Variants in TNRC18 observed in about 807,000 individuals in gnomAD.
The protein encoded by TNRC18 is trinucleotide repeat containing 18.
In TNRC18, 69 loss-of-function variants were observed where a neutral mutation model predicts 226.7. That is an observed-to-expected ratio of 0.30 (90% confidence interval 0.25 to 0.37). The LOEUF is 0.37. Among genes scored for constraint, TNRC18 ranks in the 10% least tolerant of loss-of-function variants. The pLI is 1.00. For missense variants in TNRC18, 4,754 were observed against 4,256.6 expected, an observed-to-expected ratio of 1.12 and a Z score of -3.25; for synonymous variants, 2,449 against 1,927.6, an observed-to-expected ratio of 1.27 and a Z score of -7.09.
Position 5,387,781 on chromosome 7 carries a change from A to C in TNRC18, c.2043T>G (p.Pro681=), listed in dbSNP as rs769094174. 6.2e-7 allele frequency: 1 copy of C among 1,607,956 alleles called. No individual in the cohort carries two copies. The highest frequency in any genetic ancestry group is 1.7e-5 in the Admixed American group (1 of 60,008). ...GGGCCACAGCCACTGCAATGCCCAC[A>C]GGCGGGTGTCGCACTTCTGCCTCAC... The part of the protein sequence containing the change: ...AQGEAEVRHP[P]VGIAVAVARQ... The change falls in exon 5 of 30, where the codon CCT becomes CCG. Residue 681 remains proline, a synonymous_variant. Coordinates refer to ENST00000430969, the MANE Select transcript of TNRC18 (RefSeq NM_001080495.3).
At chr7:5,372,773 A>T (rs1794286409) in intron 10 of TNRC18, among the ~76,000 whole-genome samples, 2 of 152,142 alleles carry the variant, frequency 1.3e-5, no homozygotes, top group Admixed American at 1.3e-4. Context: ...CTACAATCCC[A>T]GCAGTTCGGG....
At chr7:5,420,988 G>A in intron 2 of TNRC18, 72 bp downstream of exon 2, 1 of 1,530,252 alleles carries the variant, frequency 6.5e-7, no homozygotes, top group Non-Finnish European at 8.9e-7. Context: ...GGCCGCGAGT[G>A]CACAGGAGGA....
intron 11 of TNRC18, among the ~76,000 whole-genome samples, chr7:5,365,441 G>C (rs1000831555): frequency 2.0e-5 from 3 of 151,406 alleles, no homozygotes; most frequent in Non-Finnish European, 4.4e-5. Context: ...GGAGCACATG[G>C]GCACATAGCT....
Position 5,309,904 on chromosome 7 carries a change from T to A in TNRC18, c.8389-536A>T. On this transcript the variant is annotated intron_variant, in intron 27 of 29. Transcript: ENST00000430969. The surrounding 1 kb of genome is among the most constrained non-coding windows in gnomAD (Gnocchi z 5.7). Reference sequence around the variant, plus strand: ...GTGTCAGCCACTGCACCTGGCCTTATTTTTCTTTTGAAAATTACTTTTTTC... The same window carrying A: ...GTGTCAGCCACTGCACCTGGCCTTAATTTTCTTTTGAAAATTACTTTTTTC... Among the ~76,000 whole-genome samples, 1 of 152,166 alleles carries A rather than the reference T, an allele frequency of 6.6e-6. No individual in the cohort carries two copies. The highest frequency in any genetic ancestry group is 1.5e-5 in the Non-Finnish European group (1 of 68,024).
At chr7:5,414,340 TTTC>T (rs1782026609) in intron 2 of TNRC18, among the ~76,000 whole-genome samples, 1 of 151,024 alleles carries the variant, frequency 6.6e-6, no homozygotes, top group Non-Finnish European at 1.5e-5. Flanking sequence ...ATAGATATTT[TTTC>T]TTTTCCTGAA....
At chr7:5,379,885 C>G (rs945103598) in intron 5 of TNRC18, among the ~76,000 whole-genome samples, 1 of 152,198 alleles carries the variant, frequency 6.6e-6, no homozygotes, top group East Asian at 1.9e-4. Context: ...GGAGCTAGGT[C>G]CTCCTACGCA....
chr7:5,343,698 A>C (rs1166879945), intron 18 of TNRC18, among the ~76,000 whole-genome samples: 1 of 152,194 alleles, frequency 6.6e-6, no homozygotes, highest in Non-Finnish European at 1.5e-5. Flanking sequence ...AAGTGCCGGG[A>C]TTGTAGGTGT....
intron 10 of TNRC18, among the ~76,000 whole-genome samples, chr7:5,372,856 T>A (rs1794295357): frequency 6.6e-6 from 1 of 151,910 alleles, no homozygotes; most frequent in South Asian, 2.1e-4. Context: ...GACACATCTG[T>A]ACAAATATAA....
intron 11 of TNRC18, among the ~76,000 whole-genome samples, chr7:5,363,843 C>A (rs1793336429): frequency 1.6e-5 from 2 of 125,040 alleles, no homozygotes; most frequent in Non-Finnish European, 3.4e-5. Flanking sequence ...AAAACACAAA[C>A]CAAGCAGAAA....
rs1051592179 is a variant in TNRC18 at position 5,394,165 on chromosome 7, C to G, written c.343+275G>C. Among the ~76,000 whole-genome samples the G allele has an allele frequency of 6.6e-6, 1 of 152,016 alleles. No homozygotes were observed. Among genetic ancestry groups the G allele is most frequent in the Non-Finnish European group, 1.5e-5 (1 of 68,006 alleles). On this transcript the variant is annotated intron_variant, in intron 3 of 29. Coordinates refer to ENST00000430969, the MANE Select transcript of TNRC18 (RefSeq NM_001080495.3). This position sits in a 1 kb window ranked among gnomAD's most constrained non-coding sequence, Gnocchi z 4.5. ...CACAAGCAAGTGATGGAAGTGGGTG[C>G]GGAAGAGGGGGTCTCTGAGCTGAGC...
rs528787016 is a variant in TNRC18 at position 5,350,290 on chromosome 7, C to G, written c.5470+1529G>C. On this transcript the variant is annotated intron_variant, in intron 17 of 29. Coordinates refer to ENST00000430969, the MANE Select transcript of TNRC18 (RefSeq NM_001080495.3). Reference sequence around the variant, plus strand: ...TTCGCTCAGAGGGGTAGTAGCAGCCCAGGGGAACATGGGCCCCGGGGCATC... The same window carrying G: ...TTCGCTCAGAGGGGTAGTAGCAGCCGAGGGGAACATGGGCCCCGGGGCATC... Among the ~76,000 whole-genome samples the G allele has an allele frequency of 1.2e-4, 19 of 152,172 alleles. No individual in the cohort carries two copies. In the South Asian group the frequency reaches 3.3e-3, roughly 27 times the overall value.
At chr7:5,413,550 G>A (rs543702921) in intron 2 of TNRC18, among the ~76,000 whole-genome samples, 66 of 152,314 alleles carry the variant, frequency 4.3e-4, no homozygotes, top group African/African-American at 1.6e-3. Flanking sequence ...TTTTGACACA[G>A]GGTCTCACTC....
chr7:5,413,574 ACT>A (rs1781976780), intron 2 of TNRC18, among the ~76,000 whole-genome samples: 1 of 152,192 alleles, frequency 6.6e-6, no homozygotes, highest in South Asian at 2.1e-4. Context: ...TGCCCAGACC[ACT>A]GTGAGTGCAG....
chr7:5,391,464 A>T lies in TNRC18; in HGVS notation c.344-836T>A, dbSNP rs1222538490. On this transcript the variant is annotated intron_variant, in intron 3 of 29. Transcript: ENST00000430969. ...GGAGCTGGGATTACAGGCGCCTGCT[A>T]CCACACCCGGCTAATTTTGTATTTT... Among the ~76,000 whole-genome samples, 4 of 151,816 alleles carry T rather than the reference A, an allele frequency of 2.6e-5. No homozygotes were observed. The South Asian group carries it at 8.3e-4, about 32-fold the overall frequency.
At chr7:5,334,515 T>C (rs561854638) in intron 18 of TNRC18, among the ~76,000 whole-genome samples, 16 of 151,256 alleles carry the variant, frequency 1.1e-4, no homozygotes, top group African/African-American at 3.4e-4. Flanking sequence ...GGCAGGCTGG[T>C]CTCGAACTCC....
intron 2 of TNRC18, among the ~76,000 whole-genome samples, chr7:5,410,058 C>A (rs1781742933): frequency 6.6e-6 from 1 of 151,214 alleles, no homozygotes; most frequent in African/African-American, 2.4e-5. Flanking sequence ...CACCTGTAAT[C>A]CCAGCATTTT....
chr7:5,418,338 ACCT>A, intron 2 of TNRC18, among the ~76,000 whole-genome samples: 1 of 151,932 alleles, frequency 6.6e-6, no homozygotes, highest in Non-Finnish European at 1.5e-5. Flanking sequence ...TCTTAAATTC[ACCT>A]CCTCTTCTGC....
rs768507048 is a variant in TNRC18, at chr7:5,333,068, C to T, written c.5720-19G>A. The T allele has an allele frequency of 1.6e-5, 25 of 1,559,640 alleles. No individual in the cohort carries two copies. The African/African-American group carries it at 2.6e-4, about 16-fold the overall frequency. On this transcript the variant is annotated intron_variant, in intron 18 of 29. Transcript: ENST00000430969. ...TCTGTGCCTGAACGCGGGAGGAGGG[C>T]GTGCTGGTCACAGCCTCGTGGGGAC...
At chr7:5,389,931 G>C (rs767753380) in intron 4 of TNRC18, 1 of 144,460 alleles carries the variant, frequency 6.9e-6, no homozygotes, top group Non-Finnish European at 1.5e-5. Flanking sequence ...TTCCTCATCT[G>C]TAAAAGGAGA....
Sources: allele counts gnomAD v4.1 joint callset (sites outside exome capture counted in the v4.1 genomes callset), GRCh38; gene constraint gnomAD v4.1.1; non-coding constraint Gnocchi (gnomAD v3.1); transcripts MANE v1.5; gene names NCBI Gene and HGNC (gene_info 2026-07-23, HGNC 2026-07-21).